Variants in PRKN observed in about 807,000 individuals in gnomAD.
PRKN encodes the protein E3 ubiquitin-protein ligase parkin.
In PRKN, 56 loss-of-function variants were observed where a neutral mutation model predicts 59.5. That is an observed-to-expected ratio of 0.94 (90% CI 0.76 to 1.18). The LOEUF is 1.18. Among genes scored for constraint, PRKN ranks in the 50% most tolerant of loss-of-function variants. PRKN has a pLI of 0.00. For synonymous variants in PRKN, 250 were observed against 222.1 expected (o/e 1.13, Z -1.12); for missense variants, 657 against 596.4 (o/e 1.10, Z -1.06).
chr6:162,681,072 T>C (rs1223406837), intron 1 of PRKN, among the ~76,000 whole-genome samples: 1 of 72,324 alleles, frequency 1.4e-5, no homozygotes, highest in Admixed American at 1.5e-4. Context: ...TTCACACGTG[T>C]TTTTGAAAAA....
chr6:161,707,833 G>C (rs1288576282), intron 7 of PRKN, among the ~76,000 whole-genome samples: 1 of 152,112 alleles, frequency 6.6e-6, no homozygotes, highest in East Asian at 1.9e-4. Flanking sequence ...ATCCAGGCAA[G>C]GAAGCTTCCT....
chr6:162,317,949 A>G (rs894320306), intron 2 of PRKN, among the ~76,000 whole-genome samples: 1 of 151,974 alleles, frequency 6.6e-6, no homozygotes, highest in Non-Finnish European at 1.5e-5. Flanking sequence ...AGTCATTTGT[A>G]GTTGCACAGT....
At chr6:161,638,956 G>A (rs1271356146) in intron 7 of PRKN, among the ~76,000 whole-genome samples, 1 of 151,804 alleles carries the variant, frequency 6.6e-6, no homozygotes, top group Non-Finnish European at 1.5e-5. Flanking sequence ...TGGCTGCGCT[G>A]GTCTCAAACT....
chr6:162,377,831 C>T (rs1482330083), intron 2 of PRKN, among the ~76,000 whole-genome samples: 1 of 152,180 alleles, frequency 6.6e-6, no homozygotes, highest in Non-Finnish European at 1.5e-5. Flanking sequence ...TGGAGCTTGG[C>T]ATGTTTTGGT....
chr6:161,822,341 G>A (rs192544763), intron 6 of PRKN, among the ~76,000 whole-genome samples: 2 of 152,286 alleles, frequency 1.3e-5, no homozygotes, highest in East Asian at 1.9e-4. Context: ...GAATGTAGAC[G>A]CAACAGCAGA....
chr6:161,943,713 G>T (rs1293050655), intron 6 of PRKN, among the ~76,000 whole-genome samples: 3 of 151,740 alleles, frequency 2.0e-5, no homozygotes, highest in Non-Finnish European at 4.4e-5. Flanking sequence ...ATCAGCCTGA[G>T]GGATCAGCCT....
chr6:162,611,309 A>C (rs755880348), intron 1 of PRKN, among the ~76,000 whole-genome samples: 1 of 152,220 alleles, frequency 6.6e-6, no homozygotes, highest in Non-Finnish European at 1.5e-5. Flanking sequence ...GGATGATAGA[A>C]TAAGAATACA....
intron 6 of PRKN, among the ~76,000 whole-genome samples, chr6:161,946,414 A>ACACACACACACACACACACACACT (rs1247187053): frequency 5.2e-5 from 6 of 114,374 alleles, no homozygotes; most frequent in Admixed American, 1.8e-4. Flanking sequence ...ACACACACAC[A>ACACACACACACACACACACACACT]CTCTCTCTCT....
At chr6:161,778,685 G>A (rs1001315149) in intron 7 of PRKN, among the ~76,000 whole-genome samples, 1 of 152,072 alleles carries the variant, frequency 6.6e-6, no homozygotes, top group African/African-American at 2.4e-5. Flanking sequence ...TATACAATTA[G>A]AATTGCTGAG....
intron 6 of PRKN, among the ~76,000 whole-genome samples, chr6:161,892,842 C>A (rs916252121): frequency 6.6e-6 from 1 of 152,042 alleles, no homozygotes; most frequent in Non-Finnish European, 1.5e-5. Context: ...TGGCAGAAAC[C>A]AATATTTAGT....
At chr6:162,576,156 T>A (rs1250976173) in intron 1 of PRKN, among the ~76,000 whole-genome samples, 1 of 152,178 alleles carries the variant, frequency 6.6e-6, no homozygotes, top group Non-Finnish European at 1.5e-5. Flanking sequence ...AGAAACCATA[T>A]CCTGATTTCC....
At chr6:162,588,835 G>A (rs996464000) in intron 1 of PRKN, among the ~76,000 whole-genome samples, 14 of 152,134 alleles carry the variant, frequency 9.2e-5, no homozygotes, top group Non-Finnish European at 1.9e-4. Context: ...ACAGGCGTGA[G>A]CCACCGCGCC....
At chr6:162,343,148 T>C (rs1398024502) in intron 2 of PRKN, among the ~76,000 whole-genome samples, 1 of 152,200 alleles carries the variant, frequency 6.6e-6, no homozygotes, top group Non-Finnish European at 1.5e-5. Context: ...CTTATTACAT[T>C]TTTGTCTTCC....
At chr6:161,817,485 A>G (rs1028864395) in intron 6 of PRKN, among the ~76,000 whole-genome samples, 3 of 152,184 alleles carry the variant, frequency 2.0e-5, no homozygotes, top group African/African-American at 7.2e-5. Context: ...TATTTCCCAG[A>G]TTTCCTGTTA....
intron 8 of PRKN, 37 bp downstream of exon 8, chr6:161,569,318 A>G (rs772205183): frequency 9.5e-6 from 15 of 1,582,754 alleles, no homozygotes; most frequent in Non-Finnish European, 9.6e-6. Context: ...TCTATCTTTC[A>G]TGACAGTCTG....
intron 7 of PRKN, among the ~76,000 whole-genome samples, chr6:161,733,800 A>ATGTATATATATATATATATG (rs1320657591): frequency 2.5e-5 from 1 of 39,924 alleles, no homozygotes. Flanking sequence ...ATATATATGT[A>ATGTATATATATATATATATG]TATATATATA....
intron 1 of PRKN, among the ~76,000 whole-genome samples, chr6:162,707,667 C>G (rs1274940881): frequency 5.9e-5 from 9 of 151,850 alleles, no homozygotes; most frequent in Admixed American, 5.9e-4. Context: ...CTCCAACTCC[C>G]GGGTTCAAGT....
Position 161,400,577 on chromosome 6 carries a change from G to GT in PRKN, c.1084-13701dup, listed in dbSNP as rs1179481072. Among the ~76,000 whole-genome samples, 1 of 152,060 alleles carries GT rather than the reference G, an allele frequency of 6.6e-6. No individual in the cohort carries two copies. The highest frequency in any genetic ancestry group is 2.4e-5 in the African/African-American group (1 of 41,390). ...AATCCGTTCCCCTCAGCCTCCCAAA[G>GT]TGCTGGGATTACAGGCATGAGCCAC... On this transcript the variant is annotated intron_variant, in intron 9 of 11. Coordinates refer to ENST00000366898, the MANE Select transcript of PRKN (RefSeq NM_004562.3). The surrounding 1 kb of genome is among the most constrained non-coding windows in gnomAD (Gnocchi z 4.2).
At position 161,497,102 on chromosome 6, in the gene PRKN, C is replaced by G. The variant is rs35115995; in HGVS notation, c.1083+51752G>C. 0.09 allele frequency among the ~76,000 whole-genome samples: 13,648 copies of G among 152,314 alleles called. 664 individuals are homozygous for G. Among genetic ancestry groups the G allele is most frequent in the South Asian group, 0.14 (693 of 4,828 alleles). ...ATGCCCGTTCCTCCTGGCTACGACT[C>G]CACAGCCTGTTCCCAGGGGTCAGCC... On this transcript the variant is annotated intron_variant, in intron 9 of 11. Transcript: ENST00000366898. This position sits in a 1 kb window ranked among gnomAD's most constrained non-coding sequence, Gnocchi z 4.6.
Sources: allele counts gnomAD v4.1 joint callset (sites outside exome capture counted in the v4.1 genomes callset), GRCh38; gene constraint gnomAD v4.1.1; non-coding constraint Gnocchi (gnomAD v3.1); transcripts MANE v1.5; gene names NCBI Gene and HGNC (gene_info 2026-07-23, HGNC 2026-07-21).